Variants in RBMS3 observed in about 807,000 individuals in gnomAD.
RBMS3 encodes RNA binding motif single stranded interacting protein 3, also known as RNA-binding motif, single-stranded-interacting protein 3.
A neutral mutation model predicts 66.8 loss-of-function variants in RBMS3; 27 were observed. The observed-to-expected ratio is 0.40, with a 90% CI of 0.30 to 0.56. The LOEUF is 0.56. RBMS3 is among the 20% of genes least tolerant of loss of function. RBMS3 has a pLI of 0.40. For synonymous variants in RBMS3, 188 were observed against 183.0 expected (o/e 1.03, Z -0.22); for missense variants, 513 against 549.5 (o/e 0.93, Z 0.66).
Position 30,001,015 on chromosome 3 carries a change from G to A in RBMS3, c.1308-2841G>A, listed in dbSNP as rs554260056. Among the ~76,000 whole-genome samples, 12 of 150,942 alleles carry A rather than the reference G, an allele frequency of 8.0e-5. No homozygotes were observed. The East Asian group carries it at 1.2e-3, about 15-fold the overall frequency. ...TAACAAACCTGCACGTTCTGCATATGTATCCCAGAACTTAAAGTATAATAA... is the reference window on the plus strand; with the variant it reads ...TAACAAACCTGCACGTTCTGCATATATATCCCAGAACTTAAAGTATAATAA... On this transcript the variant is annotated intron_variant, in intron 14 of 14. Coordinates refer to ENST00000383767, the MANE Select transcript of RBMS3 (RefSeq NM_001003793.3).
chr3:29,562,646 C>T (rs2046596679), intron 3 of RBMS3, among the ~76,000 whole-genome samples: 1 of 152,156 alleles, frequency 6.6e-6, no homozygotes, highest in African/African-American at 2.4e-5. Context: ...TCCAAATATA[C>T]TGTTAGACCT....
In RBMS3 at chr3:29,927,491, T is replaced by C. The variant is rs1341810620; in HGVS notation, c.940-8595T>C. Among the ~76,000 whole-genome samples the C allele has an allele frequency of 1.3e-5, 2 of 152,224 alleles. 1 individual carries two copies. Among genetic ancestry groups the C allele is most frequent in the South Asian group, 4.2e-4 (2 of 4,816 alleles). On this transcript the variant is annotated intron_variant, in intron 10 of 14. Coordinates refer to ENST00000383767, the MANE Select transcript of RBMS3 (RefSeq NM_001003793.3). ...CTTAGGATTCAGGGAAGAAATAAAG[T>C]TTGATCATGATCAAAGTGTGTGCAA...
intron 12 of RBMS3, among the ~76,000 whole-genome samples, chr3:29,985,585 C>T (rs1698326503): frequency 6.6e-6 from 1 of 152,144 alleles, no homozygotes; most frequent in African/African-American, 2.4e-5. Flanking sequence ...CTCACGGCTT[C>T]CCTTGGCTAG....
At chr3:29,953,874 G>A (rs554695023) in intron 12 of RBMS3, among the ~76,000 whole-genome samples, 10 of 151,918 alleles carry the variant, frequency 6.6e-5, no homozygotes, top group Non-Finnish European at 1.5e-4. Context: ...GAGAAGATCA[G>A]TACCACATTT....
chr3:29,995,498 T>A (rs1037079044), intron 14 of RBMS3, among the ~76,000 whole-genome samples: 30 of 151,768 alleles, frequency 2.0e-4, no homozygotes, highest in African/African-American at 7.2e-4. Flanking sequence ...GGAAAAATGT[T>A]AAGGGCAGCC....
At chr3:29,883,032 T>C (rs2059773141) in intron 7 of RBMS3, among the ~76,000 whole-genome samples, 1 of 152,054 alleles carries the variant, frequency 6.6e-6, no homozygotes, top group Non-Finnish European at 1.5e-5. Flanking sequence ...TTGATGTTGA[T>C]CTAATTCAGT....
At chr3:29,699,054 T>C (rs1033881886) in intron 4 of RBMS3, among the ~76,000 whole-genome samples, 1 of 152,212 alleles carries the variant, frequency 6.6e-6, no homozygotes, top group Admixed American at 6.5e-5. Context: ...TGATAGGCAA[T>C]TGGCTTTGTT....
chr3:29,880,054 A>T (rs1226912850), intron 7 of RBMS3, among the ~76,000 whole-genome samples: 4 of 152,218 alleles, frequency 2.6e-5, no homozygotes, highest in Non-Finnish European at 4.4e-5. Flanking sequence ...TATTAAAAAT[A>T]AAGATGCATT....
chr3:29,517,659 A>G (rs1026198622), intron 3 of RBMS3, among the ~76,000 whole-genome samples: 1 of 152,176 alleles, frequency 6.6e-6, no homozygotes, highest in Non-Finnish European at 1.5e-5. Flanking sequence ...ACAGTTGTCT[A>G]CTGCTACTGT....
At chr3:29,656,378 T>C (rs2050327801) in intron 4 of RBMS3, among the ~76,000 whole-genome samples, 1 of 152,172 alleles carries the variant, frequency 6.6e-6, no homozygotes, top group East Asian at 1.9e-4. Context: ...GGCCACAATA[T>C]ACAGTACAGT....
intron 5 of RBMS3, among the ~76,000 whole-genome samples, chr3:29,747,772 A>C (rs2054989275): frequency 6.6e-6 from 1 of 152,204 alleles, no homozygotes; most frequent in Non-Finnish European, 1.5e-5. Context: ...TCGTTTGGTT[A>C]AAAGGCATTA....
At chr3:29,747,395 TAG>T in intron 5 of RBMS3, among the ~76,000 whole-genome samples, 1 of 6,722 alleles carries the variant, frequency 1.5e-4, no homozygotes, top group South Asian at 6.7e-3. Flanking sequence ...GGTAGGTAGA[TAG>T]ATAGATAGAT....
chr3:29,447,525 C>G (rs1314914111), intron 2 of RBMS3, among the ~76,000 whole-genome samples: 1 of 152,116 alleles, frequency 6.6e-6, no homozygotes, highest in Admixed American at 6.6e-5. Flanking sequence ...CTTCTCTGTT[C>G]CAAAGTTTCT....
chr3:29,472,040 C>T (rs746623271), intron 2 of RBMS3, among the ~76,000 whole-genome samples: 1 of 152,094 alleles, frequency 6.6e-6, no homozygotes. Context: ...ACTTTCCACA[C>T]ATTTTTATTG....
chr3:29,387,629 G>A (rs77845514), intron 1 of RBMS3, among the ~76,000 whole-genome samples: 9,968 of 152,096 alleles, frequency 0.066, 740 homozygotes, highest in East Asian at 0.34. Context: ...ATGGCCGGGC[G>A]CGGTGGCTCA....
In RBMS3 at chr3:29,895,255, A is replaced by T. The variant is rs79992992; in HGVS notation, c.792-2124A>T. ...ATGAATGTTTTCTTACATAGTAATT[A>T]TCTTTTTTAAAAAAATCAGATTTAT... On this transcript the variant is annotated intron_variant, in intron 8 of 14. Coordinates refer to ENST00000383767, the MANE Select transcript of RBMS3 (RefSeq NM_001003793.3). 4.4e-3 allele frequency among the ~76,000 whole-genome samples: 668 copies of T among 151,668 alleles called. 5 individuals are homozygous for T. The highest frequency in any genetic ancestry group is 0.015 in the African/African-American group (642 of 41,474).
At chr3:29,658,379 G>A (rs555326376) in intron 4 of RBMS3, among the ~76,000 whole-genome samples, 3 of 152,168 alleles carry the variant, frequency 2.0e-5, no homozygotes, top group Non-Finnish European at 4.4e-5. Flanking sequence ...TTTAGGCATG[G>A]CATGGAGCCT....
At chr3:29,555,076 C>T (rs949375603) in intron 3 of RBMS3, among the ~76,000 whole-genome samples, 1 of 152,064 alleles carries the variant, frequency 6.6e-6, no homozygotes, top group Non-Finnish European at 1.5e-5. Context: ...TATATAATCA[C>T]CTTAGCAGGG....
At chr3:29,959,084 GA>G (rs1696233443) in intron 12 of RBMS3, among the ~76,000 whole-genome samples, 2 of 152,184 alleles carry the variant, frequency 1.3e-5, no homozygotes, top group Non-Finnish European at 2.9e-5. Context: ...TATGGTGAAA[GA>G]ATGAATACAA....
Sources: gnomAD v4.1 joint callset for allele counts (sites outside exome capture counted in the v4.1 genomes callset) on GRCh38, gnomAD v4.1.1 for gene constraint, MANE v1.5 for transcripts, NCBI Gene and HGNC (gene_info 2026-07-23, HGNC 2026-07-21) for gene names.